Variants in OSBPL1A observed in about 807,000 individuals in gnomAD.
OSBPL1A encodes oxysterol binding protein like 1A.
In OSBPL1A, 80 loss-of-function variants were observed where a neutral mutation model predicts 137.1. That is an observed-to-expected ratio of 0.58 (90% CI 0.49 to 0.70). OSBPL1A has a LOEUF of 0.70. Among genes scored for constraint, OSBPL1A ranks in the 30% least tolerant of loss-of-function variants. The probability of loss-of-function intolerance (pLI) is 0.00; values close to 1 mark genes in which losing one functional copy is unlikely to be tolerated. For missense variants in OSBPL1A, 970 were observed against 1,129.4 expected (o/e 0.86, Z 2.02); for synonymous variants, 365 against 389.7 (o/e 0.94, Z 0.75).
At chr18:24,326,059 T>A (rs1434390380) in intron 7 of OSBPL1A, among the ~76,000 whole-genome samples, 3 of 152,054 alleles carry the variant, frequency 2.0e-5, no homozygotes, top group African/African-American at 7.2e-5. Flanking sequence ...GCCCCTTATT[T>A]TTTAGAAAAG....
chr18:24,162,355 C>T lies in OSBPL1A; in HGVS notation c.*824G>A, dbSNP rs146947925. 65 of 152,342 alleles carry T rather than the reference C, an allele frequency of 4.3e-4. No homozygotes were observed. Among genetic ancestry groups the T allele is most frequent in the African/African-American group, 1.6e-3 (65 of 41,582 alleles). 9.4% of individuals were successfully genotyped at this position (152,342 alleles called of 1,614,324 possible). A position where few individuals can be genotyped will look rare whatever the true frequency, so the allele number is the denominator to read the frequency against. ...TACTTACATGAGTGCAACTTACTTTCCCTAGTGGCATTTGCCACTGGAAGT... is the reference window on the plus strand; with the variant it reads ...TACTTACATGAGTGCAACTTACTTTTCCTAGTGGCATTTGCCACTGGAAGT... On this transcript the variant is annotated 3_prime_UTR_variant, in exon 28 of 28. Coordinates refer to ENST00000319481, the MANE Select transcript of OSBPL1A (RefSeq NM_080597.4).
chr18:24,394,078 T>C lies in OSBPL1A; in HGVS notation c.-3+3577A>G, dbSNP rs571370971. Reference sequence around the variant, plus strand: ...AGTTTTTGTGCCCTAATAAAAAGCATTCATCTCCCACAGGAGAAATGATGG... The same window carrying C: ...AGTTTTTGTGCCCTAATAAAAAGCACTCATCTCCCACAGGAGAAATGATGG... On this transcript the variant is annotated intron_variant, in intron 1 of 27. Coordinates refer to ENST00000319481, the MANE Select transcript of OSBPL1A (RefSeq NM_080597.4). Among the ~76,000 whole-genome samples the C allele has an allele frequency of 1.9e-4, 29 of 152,322 alleles. No individual in the cohort carries two copies. The South Asian group carries it at 4.8e-3, about 25-fold the overall frequency.
chr18:24,368,064 G>T, intron 3 of OSBPL1A: 1 of 330,730 alleles, frequency 3.0e-6, no homozygotes, highest in Non-Finnish European at 5.5e-6. Flanking sequence ...ATTTTTAAAA[G>T]CTAGTAATAA....
intron 14 of OSBPL1A, among the ~76,000 whole-genome samples, chr18:24,301,588 A>G (rs967359641): frequency 1.3e-5 from 2 of 152,242 alleles, no homozygotes; most frequent in African/African-American, 2.4e-5. Flanking sequence ...ATAGAGTAAA[A>G]CCACTGAATT....
intron 18 of OSBPL1A, among the ~76,000 whole-genome samples, chr18:24,194,927 T>C (rs1278092984): frequency 6.6e-6 from 1 of 152,206 alleles, no homozygotes; most frequent in Admixed American, 6.5e-5. Flanking sequence ...AAAATTAATG[T>C]TTATGAAATT....
chr18:24,392,958 G>A (rs940432246), intron 1 of OSBPL1A, among the ~76,000 whole-genome samples: 1 of 152,176 alleles, frequency 6.6e-6, no homozygotes, highest in African/African-American at 2.4e-5. Flanking sequence ...CCAACGTGCT[G>A]GAATTACAGG....
intron 1 of OSBPL1A, among the ~76,000 whole-genome samples, chr18:24,389,363 G>A (rs1907168374): frequency 6.6e-6 from 1 of 152,282 alleles, no homozygotes; most frequent in South Asian, 2.1e-4. Flanking sequence ...ACTAGGGAAA[G>A]TTAGACTTCT....
intron 7 of OSBPL1A, among the ~76,000 whole-genome samples, chr18:24,330,793 T>G (rs2091062612): frequency 6.6e-6 from 1 of 150,670 alleles, no homozygotes; most frequent in South Asian, 2.1e-4. Context: ...TATTCCTTTA[T>G]GAAACTATTT....
At chr18:24,354,754 AAAAAAAAAAAAAAAAAAAAG>A (rs1456478781) in intron 4 of OSBPL1A, among the ~76,000 whole-genome samples, 1 of 117,626 alleles carries the variant, frequency 8.5e-6, no homozygotes, top group Non-Finnish European at 1.8e-5. Context: ...ATAGCAAAAA[AAAAAAAAAAAAAAAAAAAAG>A]AAAGAAAGAA....
intron 17 of OSBPL1A, among the ~76,000 whole-genome samples, chr18:24,220,181 C>T (rs2087842114): frequency 1.3e-5 from 2 of 152,368 alleles, no homozygotes; most frequent in Non-Finnish European, 2.9e-5. Flanking sequence ...GGCAGGACTG[C>T]CAACAGTCCG....
intron 16 of OSBPL1A, among the ~76,000 whole-genome samples, chr18:24,226,151 G>A (rs1440363762): frequency 6.6e-6 from 1 of 152,116 alleles, no homozygotes; most frequent in African/African-American, 2.4e-5. Flanking sequence ...AGTTTGGGAA[G>A]AAGACAACGC....
At chr18:24,191,914 T>C (rs911005789) in intron 18 of OSBPL1A, among the ~76,000 whole-genome samples, 1 of 152,342 alleles carries the variant, frequency 6.6e-6, no homozygotes, top group Admixed American at 6.5e-5. Context: ...AGCTTTTCAA[T>C]GACTGAAGAA....
At chr18:24,288,549 C>G (rs1370644763) in intron 14 of OSBPL1A, among the ~76,000 whole-genome samples, 1 of 152,128 alleles carries the variant, frequency 6.6e-6, no homozygotes, top group Non-Finnish European at 1.5e-5. Context: ...AGGCAGATCA[C>G]CTGAGGTCAG....
intron 4 of OSBPL1A, among the ~76,000 whole-genome samples, chr18:24,349,727 A>C (rs1163606845): frequency 9.5e-6 from 1 of 105,598 alleles, no homozygotes; most frequent in Non-Finnish European, 1.9e-5. Flanking sequence ...CAAAAGAAAA[A>C]AGAAAAAAAA....
At chr18:24,318,466 G>A in intron 9 of OSBPL1A, 135 bp downstream of exon 9, 1 of 757,354 alleles carries the variant, frequency 1.3e-6, no homozygotes, top group South Asian at 1.9e-5. Flanking sequence ...AAAAATCAGT[G>A]GTTTACATTA....
chr18:24,243,934 T>A (rs1277606514), intron 15 of OSBPL1A, among the ~76,000 whole-genome samples: 3 of 152,178 alleles, frequency 2.0e-5, no homozygotes, highest in African/African-American at 7.2e-5. Context: ...TAGAGAAACA[T>A]CTGAAAGCAT....
chr18:24,271,842 C>T lies in OSBPL1A; in HGVS notation c.1281+9000G>A. On this transcript the variant is annotated intron_variant, in intron 15 of 27. Coordinates refer to ENST00000319481, the MANE Select transcript of OSBPL1A (RefSeq NM_080597.4). This position sits in a 1 kb window ranked among gnomAD's most constrained non-coding sequence, Gnocchi z 4.0. ...GGGCAGCAGCGCCAGCCTTCCCCAG[C>T]GAGGTCGGGCAGAGGCGTTGCCCGC... is the stretch of plus-strand genomic sequence containing the variant. 1.0e-6 allele frequency: 1 copy of T among 985,332 alleles called. No individual in the cohort carries two copies. Among genetic ancestry groups the T allele is most frequent in the Non-Finnish European group, 1.2e-6 (1 of 829,976 alleles). 61.0% of individuals were successfully genotyped at this position (985,332 alleles called of 1,614,324 possible).
In OSBPL1A at chr18:24,303,696, C is replaced by T. The variant is rs747432259; in HGVS notation, c.1115G>A (p.Arg372Gln). Reference sequence around the variant, plus strand: ...AAAGTTGGAAATTTCCCTATCTAGTCGCTGTTGGCATGACTGTGCTTTCTG... The same window carrying T: ...AAAGTTGGAAATTTCCCTATCTAGTTGCTGTTGGCATGACTGTGCTTTCTG... ...SLEKAQSCQQ[R>Q]LDREISNFLK... Residue 372 changes from arginine (R) to glutamine (Q), a missense_variant, in exon 14 of 28, where the codon CGA becomes CAA. Physicochemically the swap from Arg to Gln is conservative, Grantham distance 43 (BLOSUM62 1). Transcript: ENST00000319481. 88 of 1,613,286 alleles carry T rather than the reference C, an allele frequency of 5.5e-5. 1 individual carries two copies. The highest frequency in any genetic ancestry group is 4.3e-4 in the South Asian group (39 of 91,040).
intron 22 of OSBPL1A, among the ~76,000 whole-genome samples, chr18:24,171,995 C>A (rs1011528037): frequency 6.7e-6 from 1 of 149,430 alleles, no homozygotes; most frequent in African/African-American, 2.5e-5. Context: ...GGCTAAAGTG[C>A]AGTGGCGCTA....
Sources: gnomAD v4.1 joint callset for allele counts (sites outside exome capture counted in the v4.1 genomes callset) on GRCh38, gnomAD v4.1.1 for gene constraint, Gnocchi (gnomAD v3.1) non-coding constraint, MANE v1.5 for transcripts, NCBI Gene and HGNC (gene_info 2026-07-23, HGNC 2026-07-21) for gene names.